Variants in ACSS3 observed in about 807,000 individuals in gnomAD.
The protein encoded by ACSS3 is acyl-CoA synthetase short-chain family member 3, mitochondrial.
In ACSS3, 64 loss-of-function variants were observed where a neutral mutation model predicts 84.2. That is an observed-to-expected ratio of 0.76 (90% CI 0.62 to 0.94). ACSS3 has a LOEUF of 0.94. Among genes scored for constraint, ACSS3 ranks in the 40% least tolerant of loss-of-function variants. ACSS3 has a pLI of 0.00. For synonymous variants in ACSS3, 317 were observed against 310.1 expected (o/e 1.02, Z -0.23); for missense variants, 815 against 867.6 (o/e 0.94, Z 0.76).
At chr12:81,203,696 T>A (rs1316331725) in intron 9 of ACSS3, among the ~76,000 whole-genome samples, 1 of 152,180 alleles carries the variant, frequency 6.6e-6, no homozygotes, top group Non-Finnish European at 1.5e-5. Context: ...TGGAGTATAA[T>A]AATGTAAATA....
chr12:81,233,524 C>T (rs2033532795), intron 13 of ACSS3, 53 bp downstream of exon 13: 5 of 1,594,350 alleles, frequency 3.1e-6, no homozygotes, highest in Non-Finnish European at 3.4e-6. Flanking sequence ...CACAGAGCTG[C>T]ACTGAAGACA....
At chr12:81,130,594 G>C (rs948208058) in intron 2 of ACSS3, among the ~76,000 whole-genome samples, 2 of 152,120 alleles carry the variant, frequency 1.3e-5, no homozygotes, top group African/African-American at 2.4e-5. Flanking sequence ...TCACTCTGAT[G>C]GTAGTTTCTT....
At chr12:81,228,329 A>G (rs114552824) in intron 11 of ACSS3, among the ~76,000 whole-genome samples, 131 of 151,950 alleles carry the variant, frequency 8.6e-4, no homozygotes, top group Middle Eastern at 3.4e-3. Flanking sequence ...CTACAGGTAT[A>G]TATAAACTTA....
At chr12:81,147,891 G>A (rs1017364287) in intron 5 of ACSS3, among the ~76,000 whole-genome samples, 10 of 146,962 alleles carry the variant, frequency 6.8e-5, no homozygotes, top group Admixed American at 1.4e-4. Context: ...ACACACAAAC[G>A]CACACATGTA....
intron 1 of ACSS3, among the ~76,000 whole-genome samples, chr12:81,108,616 A>C (rs1250663091): frequency 6.6e-6 from 1 of 152,136 alleles, no homozygotes; most frequent in Non-Finnish European, 1.5e-5. Context: ...CTGTATCTGT[A>C]GCTGCTTTTA....
intron 7 of ACSS3, among the ~76,000 whole-genome samples, chr12:81,169,819 A>G (rs2029895037): frequency 1.3e-5 from 2 of 152,154 alleles, no homozygotes; most frequent in South Asian, 4.1e-4. Flanking sequence ...TTCTAGTTTT[A>G]TCACTCTCCT....
chr12:81,198,911 G>T (rs1410202167), intron 8 of ACSS3, among the ~76,000 whole-genome samples: 1 of 152,132 alleles, frequency 6.6e-6, no homozygotes. Context: ...ATATTTATAA[G>T]AATATTTGCT....
intron 1 of ACSS3, among the ~76,000 whole-genome samples, chr12:81,102,485 G>A (rs1337636345): frequency 2.6e-5 from 4 of 152,108 alleles, no homozygotes; most frequent in Non-Finnish European, 5.9e-5. Flanking sequence ...CTTAATAATA[G>A]TAACCAAAGA....
At chr12:81,188,220 A>G (rs1207439799) in intron 8 of ACSS3, among the ~76,000 whole-genome samples, 1 of 151,992 alleles carries the variant, frequency 6.6e-6, no homozygotes, top group East Asian at 1.9e-4. Context: ...AATGAAACTG[A>G]TCTAGCCTTA....
At chr12:81,221,666 C>T (rs1450580469) in intron 11 of ACSS3, among the ~76,000 whole-genome samples, 2 of 152,012 alleles carry the variant, frequency 1.3e-5, no homozygotes, top group Non-Finnish European at 2.9e-5. Context: ...TTTGTATTCG[C>T]AGTTCTCTGA....
intron 8 of ACSS3, among the ~76,000 whole-genome samples, chr12:81,187,972 C>G (rs2031364469): frequency 6.6e-6 from 1 of 151,838 alleles, no homozygotes; most frequent in Non-Finnish European, 1.5e-5. Flanking sequence ...AGCAGGAAAG[C>G]AAATTAGAAG....
chr12:81,081,769 G>A (rs1170502224), intron 1 of ACSS3, among the ~76,000 whole-genome samples: 2 of 152,178 alleles, frequency 1.3e-5, no homozygotes, highest in Non-Finnish European at 2.9e-5. Flanking sequence ...TGTATTAACA[G>A]TGACTATAAA....
At chr12:81,083,796 C>A (rs4439582) in intron 1 of ACSS3, among the ~76,000 whole-genome samples, 63,020 of 151,752 alleles carry the variant, frequency 0.42, 15,282 homozygotes, top group Non-Finnish European at 0.56. Flanking sequence ...ATGGTGAAAC[C>A]CCATATCTAC....
In ACSS3 at chr12:81,143,127, C is replaced by G. The variant is rs2400893; in HGVS notation, c.801C>G (p.Pro267=). The part of the protein sequence containing the change: ...RPNMEAVPLA[P]GRDLDWDEEM... ...TGTAGGAGGCGGTTCCTTTGGCTCCCGGTCGTGACCTTGATTGGGATGAAG... is the reference window on the plus strand; with the variant it reads ...TGTAGGAGGCGGTTCCTTTGGCTCCGGGTCGTGACCTTGATTGGGATGAAG... The change falls in exon 5 of 16, where the codon CCC becomes CCG. Residue 267 remains proline, a synonymous_variant. Transcript: ENST00000548058. 1,063 of 1,612,476 alleles carry G rather than the reference C, an allele frequency of 6.6e-4. 10 individuals are homozygous for G. The African/African-American group carries it at 0.013, about 20-fold the overall frequency.
chr12:81,097,002 C>T (rs143312477), intron 1 of ACSS3, among the ~76,000 whole-genome samples: 1 of 152,312 alleles, frequency 6.6e-6, no homozygotes, highest in African/African-American at 2.4e-5. Context: ...ATCAGTTTCT[C>T]AGTTGCATTA....
At chr12:81,118,557 G>C (rs906623770) in intron 2 of ACSS3, among the ~76,000 whole-genome samples, 3 of 152,044 alleles carry the variant, frequency 2.0e-5, no homozygotes, top group Non-Finnish European at 4.4e-5. Flanking sequence ...GAGGCATCTT[G>C]ATGGGGAGTT....
chr12:81,139,889 C>G (rs573096876), intron 4 of ACSS3, among the ~76,000 whole-genome samples: 21 of 151,984 alleles, frequency 1.4e-4, no homozygotes, highest in Non-Finnish European at 7.4e-5. Flanking sequence ...CCTGCCTGGG[C>G]CCCCCAAAGT....
At chr12:81,147,866 T>TACACAC (rs149709961) in intron 5 of ACSS3, among the ~76,000 whole-genome samples, 2,374 of 149,000 alleles carry the variant, frequency 0.016, 56 homozygotes, top group African/African-American at 0.055. Flanking sequence ...GCTGAATTGA[T>TACACAC]ACACACACAC....
intron 9 of ACSS3, among the ~76,000 whole-genome samples, chr12:81,209,926 G>A (rs1187140414): frequency 6.6e-6 from 1 of 152,132 alleles, no homozygotes; most frequent in African/African-American, 2.4e-5. Context: ...ATTATAATTA[G>A]CATATAATGA....
Sources: allele counts gnomAD v4.1 joint callset (sites outside exome capture counted in the v4.1 genomes callset), GRCh38; gene constraint gnomAD v4.1.1; transcripts MANE v1.5; gene names NCBI Gene and HGNC (gene_info 2026-07-23, HGNC 2026-07-21).